Variants in KPNA3 observed in about 807,000 individuals in gnomAD.
KPNA3 encodes the protein importin subunit alpha-4.
A neutral mutation model predicts 73.8 loss-of-function variants in KPNA3; 13 were observed. The ratio of observed to expected loss-of-function variants is 0.18; its 90% CI spans 0.11 to 0.28. The LOEUF is 0.28. Ranked by LOEUF, KPNA3 falls within the 10% of genes least tolerant of loss-of-function variation. KPNA3 has a pLI of 1.00. For synonymous variants in KPNA3, 186 were observed against 206.9 expected, an observed-to-expected ratio of 0.90 and a Z score of 0.87; for missense variants, 360 against 618.1, an observed-to-expected ratio of 0.58 and a Z score of 4.43.
At chr13:49,733,129 A>G (rs1954485592) in intron 2 of KPNA3, 83 bp from the exon 3 acceptor site, 1 of 842,120 alleles carries the variant, frequency 1.2e-6, no homozygotes. Context: ...CAACTTTATT[A>G]GGCAATTATG....
chr13:49,791,720 C>T (rs1955034577), intron 1 of KPNA3, among the ~76,000 whole-genome samples: 1 of 152,198 alleles, frequency 6.6e-6, no homozygotes, highest in East Asian at 1.9e-4. Flanking sequence ...TTTCCGAAGC[C>T]TGAACACAAT....
chr13:49,748,539 G>A (rs2137570637), intron 1 of KPNA3, among the ~76,000 whole-genome samples: 1 of 151,816 alleles, frequency 6.6e-6, no homozygotes, highest in East Asian at 1.9e-4. Context: ...AATAATTCTT[G>A]TGATATCTCT....
chr13:49,749,586 A>C (rs1954645357), intron 1 of KPNA3, among the ~76,000 whole-genome samples: 1 of 152,318 alleles, frequency 6.6e-6, no homozygotes, highest in African/African-American at 2.4e-5. Context: ...GTATCTGCTT[A>C]GGGTTGAAGT....
intron 10 of KPNA3, among the ~76,000 whole-genome samples, chr13:49,711,835 C>G (rs890896719): frequency 1.3e-5 from 2 of 151,926 alleles, no homozygotes; most frequent in Non-Finnish European, 2.9e-5. Flanking sequence ...ATTCACATAC[C>G]CTTCAAAAAA....
chr13:49,751,386 G>A (rs1467468237), intron 1 of KPNA3, among the ~76,000 whole-genome samples: 1 of 152,182 alleles, frequency 6.6e-6, no homozygotes, highest in Non-Finnish European at 1.5e-5. Context: ...CACTATCTAA[G>A]AGTAAGCCAC....
chr13:49,744,578 T>C (rs192938388), intron 2 of KPNA3, among the ~76,000 whole-genome samples: 3 of 152,320 alleles, frequency 2.0e-5, no homozygotes, highest in Admixed American at 6.5e-5. Flanking sequence ...ACTAATTACA[T>C]AGAAAATATT....
At chr13:49,748,108 T>A (rs147132858) in intron 1 of KPNA3, among the ~76,000 whole-genome samples, 2 of 152,214 alleles carry the variant, frequency 1.3e-5, no homozygotes, top group Non-Finnish European at 2.9e-5. Context: ...AGTTCTTCCA[T>A]TTCTCTACTC....
At chr13:49,767,085 A>C (rs1954814650) in intron 1 of KPNA3, among the ~76,000 whole-genome samples, 1 of 151,900 alleles carries the variant, frequency 6.6e-6, no homozygotes, top group South Asian at 2.1e-4. Flanking sequence ...AAGAGTTTAA[A>C]ATTTTAGAGC....
At chr13:49,759,964 C>G (rs573574698) in intron 1 of KPNA3, among the ~76,000 whole-genome samples, 1 of 152,116 alleles carries the variant, frequency 6.6e-6, no homozygotes, top group Non-Finnish European at 1.5e-5. Flanking sequence ...CAGAAAGAGA[C>G]AGCCAGACAC....
At chr13:49,743,513 T>C (rs1241610418) in intron 2 of KPNA3, among the ~76,000 whole-genome samples, 1 of 152,086 alleles carries the variant, frequency 6.6e-6, no homozygotes, top group Non-Finnish European at 1.5e-5. Flanking sequence ...TAATTTCATT[T>C]TTGGTCCTAC....
At chr13:49,732,936 T>A (rs1391441939) in intron 3 of KPNA3, 21 bp downstream of exon 3, 1 of 1,514,768 alleles carries the variant, frequency 6.6e-7, no homozygotes, top group East Asian at 2.3e-5. Context: ...TTAAAATCAC[T>A]ATTAAAACAT....
At chr13:49,732,930 A>G in intron 3 of KPNA3, 27 bp downstream of exon 3, 1 of 1,484,236 alleles carries the variant, frequency 6.7e-7, no homozygotes, top group Non-Finnish European at 9.3e-7. Flanking sequence ...ATTATTTTAA[A>G]ATCACTATTA....
chr13:49,701,530 G>C lies in KPNA3; in HGVS notation c.*270C>G. Reference sequence around the variant, plus strand: ...AACTGGAGACTGCAGTTGTCAGCCTGTGGCACCAGGGAACAGGGAAAAATA... The same window carrying C: ...AACTGGAGACTGCAGTTGTCAGCCTCTGGCACCAGGGAACAGGGAAAAATA... On this transcript the variant is annotated 3_prime_UTR_variant, in exon 17 of 17. Transcript: ENST00000261667. 1.8e-6 allele frequency: 1 copy of C among 544,516 alleles called. No individual in the cohort carries two copies. Among genetic ancestry groups the C allele is most frequent in the South Asian group, 1.5e-5 (1 of 65,440 alleles). The allele number at this position is 544,516 out of a possible 1,614,324, so 33.7% of individuals were successfully genotyped here.
At chr13:49,733,106 A>T (rs1260566628) in intron 2 of KPNA3, 60 bp from the exon 3 acceptor site, 1 of 1,015,108 alleles carries the variant, frequency 9.9e-7, no homozygotes. Flanking sequence ...TGAAAAATCC[A>T]TTAAAACTAC....
At chr13:49,748,733 T>C (rs913451679) in intron 1 of KPNA3, among the ~76,000 whole-genome samples, 4 of 152,134 alleles carry the variant, frequency 2.6e-5, no homozygotes, top group Non-Finnish European at 5.9e-5. Flanking sequence ...GATGGAATTA[T>C]ATACTGATAA....
chr13:49,728,433 T>G (rs1954431584), intron 6 of KPNA3, among the ~76,000 whole-genome samples: 1 of 152,136 alleles, frequency 6.6e-6, no homozygotes, highest in South Asian at 2.1e-4. Context: ...AAAATTAAAG[T>G]TGAGCAAACT....
intron 6 of KPNA3, among the ~76,000 whole-genome samples, chr13:49,729,582 A>T (rs1954442202): frequency 6.6e-6 from 1 of 152,126 alleles, no homozygotes; most frequent in South Asian, 2.1e-4. Flanking sequence ...CAGGAGATCG[A>T]GACCATCCTG....
rs776209367 is a variant in KPNA3, at chr13:49,710,847, C to A, written c.903+44G>T. ...AGCTGTACAAGTTAACTGGTTATAG[C>A]AAACACAACTGTATACAAATAAGAA... On this transcript the variant is annotated intron_variant, in intron 11 of 16. Coordinates refer to ENST00000261667, the MANE Select transcript of KPNA3 (RefSeq NM_002267.4). The A allele has an allele frequency of 3.2e-6, 5 of 1,563,064 alleles. No homozygotes were observed. The South Asian group carries it at 3.5e-5, about 11-fold the overall frequency.
At chr13:49,782,068 A>C (rs2137604599) in intron 1 of KPNA3, among the ~76,000 whole-genome samples, 1 of 152,312 alleles carries the variant, frequency 6.6e-6, no homozygotes, top group East Asian at 1.9e-4. Flanking sequence ...AATGCCAGGG[A>C]CAAATTAGCC....
Sources: gnomAD v4.1 joint callset for allele counts (sites outside exome capture counted in the v4.1 genomes callset) on GRCh38, gnomAD v4.1.1 for gene constraint, MANE v1.5 for transcripts, NCBI Gene and HGNC (gene_info 2026-07-23, HGNC 2026-07-21) for gene names.